DCDC2: variants seen among roughly 807,000 people sequenced by gnomAD.
DCDC2 encodes doublecortin domain containing 2.
A neutral mutation model predicts 50.2 loss-of-function variants in DCDC2; 40 were observed. The observed-to-expected ratio is 0.80, with a 90% confidence interval of 0.62 to 1.04. The LOEUF is 1.04. Among genes scored for constraint, DCDC2 ranks in the 50% least tolerant of loss-of-function variants. DCDC2 has a pLI of 0.00. For missense variants in DCDC2, 570 were observed against 581.9 expected (o/e 0.98, Z 0.21); for synonymous variants, 234 against 210.6 (o/e 1.11, Z -0.96).
At chr6:24,256,856 T>C (rs1034496153) in intron 7 of DCDC2, among the ~76,000 whole-genome samples, 1 of 152,208 alleles carries the variant, frequency 6.6e-6, no homozygotes, top group African/African-American at 2.4e-5. Context: ...TTGCTTTTAA[T>C]AGCTTCCATT....
At chr6:24,245,207 C>G (rs891841332) in intron 7 of DCDC2, among the ~76,000 whole-genome samples, 4 of 152,120 alleles carry the variant, frequency 2.6e-5, no homozygotes, top group African/African-American at 9.7e-5. Flanking sequence ...AAGTTTTATT[C>G]ATAGCTGAGC....
At chr6:24,343,725 T>C (rs1760203022) in intron 2 of DCDC2, among the ~76,000 whole-genome samples, 1 of 152,216 alleles carries the variant, frequency 6.6e-6, no homozygotes, top group South Asian at 2.1e-4. Flanking sequence ...AACAAGCTCC[T>C]CTCAGTTCAA....
chr6:24,251,320 C>A (rs968710358), intron 7 of DCDC2, among the ~76,000 whole-genome samples: 19 of 152,256 alleles, frequency 1.2e-4, no homozygotes, highest in Middle Eastern at 3.4e-3. Flanking sequence ...ATTTCACTTG[C>A]GGTTTGAGAG....
chr6:24,205,307 A>G, intron 7 of DCDC2: 1 of 1,539,640 alleles, frequency 6.5e-7, no homozygotes, highest in Non-Finnish European at 8.8e-7. Flanking sequence ...AGTGGTCAAA[A>G]CAAGGCTGAC....
At chr6:24,202,536 G>C (rs1256904585) in intron 8 of DCDC2, among the ~76,000 whole-genome samples, 1 of 152,066 alleles carries the variant, frequency 6.6e-6, no homozygotes, top group Non-Finnish European at 1.5e-5. Flanking sequence ...ATACTGAATG[G>C]GCAAAAGCTG....
intron 6 of DCDC2, among the ~76,000 whole-genome samples, chr6:24,286,138 T>G (rs1763604757): frequency 2.0e-5 from 3 of 152,166 alleles, no homozygotes; most frequent in Admixed American, 2.0e-4. Context: ...GCCTGGGCCC[T>G]CTGTAATTCT....
chr6:24,203,944 T>A (rs1190029628), intron 8 of DCDC2, among the ~76,000 whole-genome samples: 2 of 152,150 alleles, frequency 1.3e-5, no homozygotes, highest in African/African-American at 2.4e-5. Context: ...TGCGATACCA[T>A]CTCATGCCAC....
At chr6:24,199,740 C>A (rs1193053327) in intron 8 of DCDC2, among the ~76,000 whole-genome samples, 3 of 151,916 alleles carry the variant, frequency 2.0e-5, no homozygotes, top group African/African-American at 7.3e-5. Context: ...TGTTCTAACC[C>A]AATGCAAGGA....
intron 2 of DCDC2, among the ~76,000 whole-genome samples, chr6:24,304,405 A>G (rs932905248): frequency 6.6e-6 from 1 of 152,018 alleles, no homozygotes; most frequent in Non-Finnish European, 1.5e-5. Context: ...ATTGCTTGAA[A>G]CCGGGAGGCA....
At chr6:24,350,106 G>A (rs1470119283) in intron 2 of DCDC2, among the ~76,000 whole-genome samples, 1 of 152,144 alleles carries the variant, frequency 6.6e-6, no homozygotes, top group Non-Finnish European at 1.5e-5. Flanking sequence ...GCCATAAAGA[G>A]GAAGAGGAAT....
rs1760296684 is a variant in DCDC2, at chr6:24,347,879, T to A, written c.348+5690A>T. Reference sequence around the variant, plus strand: ...ATTACTTGAGACGTCCTATCCATCATGCAAAAATCGGAATAACCAGGCATG... The same window carrying A: ...ATTACTTGAGACGTCCTATCCATCAAGCAAAAATCGGAATAACCAGGCATG... On this transcript the variant is annotated intron_variant, in intron 2 of 9. Transcript: ENST00000378454. Among the ~76,000 whole-genome samples, 6 of 152,172 alleles carry A rather than the reference T, an allele frequency of 3.9e-5. No individual in the cohort carries two copies. In the South Asian group the frequency reaches 8.3e-4, roughly 21 times the overall value.
At chr6:24,183,378 G>T (rs527307316) in intron 8 of DCDC2, among the ~76,000 whole-genome samples, 17 of 152,342 alleles carry the variant, frequency 1.1e-4, no homozygotes, top group African/African-American at 3.6e-4. Context: ...ATTCTGCATC[G>T]CTGAAGAGCA....
intron 7 of DCDC2, 144 bp from the exon 8 acceptor site, chr6:24,205,246 C>T (rs539590300): frequency 1.3e-5 from 21 of 1,579,600 alleles, no homozygotes; most frequent in South Asian, 3.4e-5. Context: ...CCCCCTCCTC[C>T]GACCACCACA....
intron 7 of DCDC2, among the ~76,000 whole-genome samples, chr6:24,222,259 C>T (rs1208917322): frequency 1.3e-5 from 2 of 152,174 alleles, no homozygotes; most frequent in Non-Finnish European, 1.5e-5. Flanking sequence ...GTCTAGCGGG[C>T]GCCTTGAAGA....
chr6:24,274,522 A>C (rs1763305778), intron 7 of DCDC2, among the ~76,000 whole-genome samples: 1 of 151,910 alleles, frequency 6.6e-6, no homozygotes, highest in South Asian at 2.1e-4. Context: ...CTACCAAAAG[A>C]AAATGAGATT....
chr6:24,185,847 T>C (rs1475128858), intron 8 of DCDC2, among the ~76,000 whole-genome samples: 1 of 152,176 alleles, frequency 6.6e-6, no homozygotes, highest in African/African-American at 2.4e-5. Context: ...GAGGAACAAG[T>C]TGCACCCTTC....
At chr6:24,210,728 T>G (rs565936911) in intron 7 of DCDC2, among the ~76,000 whole-genome samples, 1 of 152,306 alleles carries the variant, frequency 6.6e-6, no homozygotes, top group African/African-American at 2.4e-5. Flanking sequence ...AATAGATCAT[T>G]TAAAAAGTGT....
At chr6:24,325,500 G>A (rs148208189) in intron 2 of DCDC2, among the ~76,000 whole-genome samples, 37 of 149,556 alleles carry the variant, frequency 2.5e-4, no homozygotes, top group African/African-American at 8.9e-4. Flanking sequence ...GATGTCGCAA[G>A]GGAGACCTGA....
intron 2 of DCDC2, 72 bp downstream of exon 2, chr6:24,353,497 T>C (rs1169702404): frequency 8.5e-6 from 8 of 942,152 alleles, no homozygotes; most frequent in Non-Finnish European, 1.3e-5. Context: ...GCCGTCCAAA[T>C]CTCTAAGACA....
Sources: allele counts gnomAD v4.1 joint callset (sites outside exome capture counted in the v4.1 genomes callset), GRCh38; gene constraint gnomAD v4.1.1; transcripts MANE v1.5; gene names NCBI Gene and HGNC (gene_info 2026-07-23, HGNC 2026-07-21).